The following KCTD15 variants were observed in gnomAD, a reference collection of about 807,000 sequenced individuals.
The protein encoded by KCTD15 is BTB/POZ domain-containing protein KCTD15.
In KCTD15, 11 loss-of-function variants were observed where a neutral mutation model predicts 27.2. The ratio of observed to expected loss-of-function variants is 0.41; its 90% CI spans 0.25 to 0.67. The LOEUF is 0.67. Among genes scored for constraint, KCTD15 ranks in the 30% least tolerant of loss-of-function variants. The pLI, the probability that KCTD15 is intolerant of heterozygous loss-of-function variation, is 0.35. For missense variants in KCTD15, 350 were observed against 409.3 expected (o/e 0.86, Z 1.25); for synonymous variants, 163 against 176.0 (o/e 0.93, Z 0.58).
chr19:33,806,462 T>C (rs1975714966), intron 4 of KCTD15, among the ~76,000 whole-genome samples: 1 of 152,114 alleles, frequency 6.6e-6, no homozygotes, highest in Non-Finnish European at 1.5e-5. Context: ...TGTTGGATGG[T>C]TCATGTGCAT....
At chr19:33,808,390 G>A (rs1975778338) in intron 5 of KCTD15, among the ~76,000 whole-genome samples, 1 of 152,202 alleles carries the variant, frequency 6.6e-6, no homozygotes, top group African/African-American at 2.4e-5. Flanking sequence ...ACCTGGGCTG[G>A]GCGGGTTTGA....
chr19:33,797,962 T>TCCCAG (rs1975398692), intron 1 of KCTD15, among the ~76,000 whole-genome samples: 1 of 151,958 alleles, frequency 6.6e-6, no homozygotes, highest in Admixed American at 6.6e-5. Context: ...CGGCAACCCC[T>TCCCAG]CCCAGCCCAG....
chr19:33,804,577 T>C (rs928048868), intron 4 of KCTD15, among the ~76,000 whole-genome samples: 3 of 152,208 alleles, frequency 2.0e-5, no homozygotes, highest in African/African-American at 7.2e-5. Context: ...GTGCCACACA[T>C]GGACCTCAGC....
intron 5 of KCTD15, among the ~76,000 whole-genome samples, chr19:33,810,688 CAAAA>C (rs66841311): frequency 5.3e-5 from 7 of 131,402 alleles, no homozygotes; most frequent in African/African-American, 2.1e-4. Context: ...AAAAAAAAAA[CAAAA>C]AAAAACGAAA....
At chr19:33,794,202 A>C (rs1975259706), upstream of KCTD15, among the ~76,000 whole-genome samples, 1 of 152,252 alleles carries the variant, frequency 6.6e-6, no homozygotes, top group African/African-American at 2.4e-5. Flanking sequence ...TTCCATGAAT[A>C]CTTTTGAAGT....
At chr19:33,807,146 TTTTC>T in intron 5 of KCTD15, 139 bp downstream of exon 5, 1 of 1,038,144 alleles carries the variant, frequency 9.6e-7, no homozygotes. Flanking sequence ...CTAAATCAGT[TTTTC>T]TAAACTAATT....
rs143973698 is a variant in KCTD15, at chr19:33,800,518, G to T, written c.64G>T (p.Ala22Ser). 6.3e-7 allele frequency: 1 copy of T among 1,592,740 alleles called. No individual in the cohort carries two copies. The highest frequency in any genetic ancestry group is 1.1e-5 in the South Asian group (1 of 87,160). Residue 22 changes from alanine (A) to serine (S), a missense_variant and splice_region_variant, in exon 3 of 7, where the codon GCG becomes TCG. Around this residue, in one of 3 missense-constraint regions of KCTD15, gnomAD observed 77 missense variants for 72.7 expected, o/e 1.06. Coordinates refer to ENST00000683859, the MANE Select transcript of KCTD15 (RefSeq NM_001129994.2). ...SLHTHGSTGT[A>S]EGGNMSRLSL... is the part of the protein sequence containing the mutation. ...TCACACACACGGCAGCACCGGCACC[G>T]CGGTGAGCCTGCAGGGTGGGCTGGG... is the stretch of plus-strand genomic sequence containing the variant.
In KCTD15 at chr19:33,801,189, T is replaced by C; in HGVS notation, c.89T>C (p.Leu30Pro). ...TAGGAGGGAGGAAACATGTCCCGGC[T>C]GTCTCTCACCCGGTCGCCTGTGTCT... ...GTAEGGNMSR[L>P]SLTRSPVSPL... Residue 30 changes from leucine (L) to proline (P), a missense_variant, in exon 4 of 7, where the codon CTG becomes CCG. Physicochemically the swap from Leu to Pro is moderately conservative, Grantham distance 98 (BLOSUM62 -3). Around this residue, in one of 3 missense-constraint regions of KCTD15, gnomAD observed 77 missense variants for 72.7 expected, o/e 1.06. Coordinates refer to ENST00000683859, the MANE Select transcript of KCTD15 (RefSeq NM_001129994.2). The C allele has an allele frequency of 6.2e-7, 1 of 1,608,524 alleles. No homozygotes were observed. Among genetic ancestry groups the C allele is most frequent in the Non-Finnish European group, 8.5e-7 (1 of 1,177,250 alleles).
At chr19:33,808,284 T>G (rs1360600153) in intron 5 of KCTD15, among the ~76,000 whole-genome samples, 1 of 152,214 alleles carries the variant, frequency 6.6e-6, no homozygotes, top group East Asian at 1.9e-4. Context: ...AGCCTCTGAA[T>G]TCAGGCTGAA....
At chr19:33,806,228 TA>T (rs142499893) in intron 4 of KCTD15, among the ~76,000 whole-genome samples, 2,619 of 152,264 alleles carry the variant, frequency 0.017, 81 homozygotes, top group African/African-American at 0.058. Context: ...TGAGCGGCAG[TA>T]GGGGATTTGT....
rs1347244307 is a variant in KCTD15 at position 33,800,357 on chromosome 19, AGT to A, written c.-27-68_-27-67del. 9 of 1,254,074 alleles carry A rather than the reference AGT, an allele frequency of 7.2e-6. No homozygotes were observed. The East Asian group carries it at 7.6e-5, about 11-fold the overall frequency. The allele number at this position is 1,254,074 out of a possible 1,614,324, so 77.7% of individuals were successfully genotyped here. A position where few individuals can be genotyped will look rare whatever the true frequency, so the allele number is the denominator to read the frequency against. On this transcript the variant is annotated intron_variant, in intron 2 of 6. Transcript: ENST00000683859. ...AGAGCATGCAGAAAGGACAATTCTA[AGT>A]GTCTTTGACCCCATGGTACATGACT...
chr19:33,794,754 G>C (rs1019135149), upstream of KCTD15, among the ~76,000 whole-genome samples: 2 of 152,252 alleles, frequency 1.3e-5, no homozygotes, highest in South Asian at 2.1e-4. Context: ...TTGAATACTT[G>C]CTTCACTTTC....
chr19:33,800,271 T>C (rs1003689422), intron 2 of KCTD15, among the ~76,000 whole-genome samples, 157 bp from the exon 3 acceptor site: 7 of 151,696 alleles, frequency 4.6e-5, no homozygotes, highest in African/African-American at 1.7e-4. Context: ...TGGAGACAGA[T>C]AGAGAGATAG....
At chr19:33,811,998 C>T (rs1440173063) in intron 6 of KCTD15, 4 of 1,467,448 alleles carry the variant, frequency 2.7e-6, no homozygotes, top group Non-Finnish European at 3.6e-6. Flanking sequence ...CCTGGACCGG[C>T]TCTTCCTGGA....
At chr19:33,807,945 C>CA (rs60779290) in intron 5 of KCTD15, among the ~76,000 whole-genome samples, 25,595 of 135,684 alleles carry the variant, frequency 0.19, 2,267 homozygotes, top group South Asian at 0.24. Context: ...GACTCTGTCT[C>CA]AAAAAAAAAA....
chr19:33,811,287 T>A lies in KCTD15; in HGVS notation c.428T>A (p.Leu143His). The change falls in exon 6 of 7, where the codon CTC becomes CAC. Residue 143 changes from leucine (L) to histidine (H), a missense_variant. Physicochemically the swap from Leu to His is moderately conservative, Grantham distance 99. Transcript: ENST00000683859. The part of the protein sequence containing the change: ...LLYEEARYYQ[L>H]QPMVRELERW... ...TACGAGGAGGCGCGCTACTATCAGC[T>A]CCAGCCCATGGTGCGCGAGCTGGAG... 6.5e-7 allele frequency: 1 copy of A among 1,538,142 alleles called. No homozygotes were observed. Among genetic ancestry groups the A allele is most frequent in the Non-Finnish European group, 8.8e-7 (1 of 1,142,644 alleles).
At chr19:33,799,144 G>A (rs61234206) in intron 2 of KCTD15, among the ~76,000 whole-genome samples, 8 of 152,114 alleles carry the variant, frequency 5.3e-5, no homozygotes, top group Admixed American at 1.3e-4. Context: ...CCCCAGTGAG[G>A]GTATATATTA....
rs117338683 is a variant in KCTD15 at position 33,812,098 on chromosome 19, T to C, written c.693+546T>C. On this transcript the variant is annotated intron_variant, in intron 6 of 6. Transcript: ENST00000683859. ...CCAAGAGCTTGGCACATTTCCGGGTTAGGGTGGAATGGGCTTTGCAGGGAA... is the reference window on the plus strand; with the variant it reads ...CCAAGAGCTTGGCACATTTCCGGGTCAGGGTGGAATGGGCTTTGCAGGGAA... 28 of 1,318,798 alleles carry C rather than the reference T, an allele frequency of 2.1e-5. No individual in the cohort carries two copies. The East Asian group carries it at 7.3e-4, about 35-fold the overall frequency. 81.7% of individuals were successfully genotyped at this position (1,318,798 alleles called of 1,614,324 possible). A position where few individuals can be genotyped will look rare whatever the true frequency, so the allele number is the denominator to read the frequency against.
At chr19:33,801,627 G>T (rs923078045) in intron 4 of KCTD15, 4 of 315,562 alleles carry the variant, frequency 1.3e-5, no homozygotes, top group Non-Finnish European at 2.3e-5. Context: ...AGCCAGCCCA[G>T]CCTGAGCCTG....
Sources: allele counts gnomAD v4.1 joint callset (sites outside exome capture counted in the v4.1 genomes callset), GRCh38; gene constraint gnomAD v4.1.1; regional missense constraint gnomAD v4.1.1; transcripts MANE v1.5; gene names NCBI Gene and HGNC (gene_info 2026-07-23, HGNC 2026-07-21).